Variants in C13orf46 observed in about 807,000 individuals in gnomAD.
C13orf46 encodes uncharacterized protein C13orf46.
chr13:113,945,569 GAAAGAA>G, the C13orf46 span, among the ~76,000 whole-genome samples: 472 of 96,008 alleles, frequency 4.9e-3, 10 homozygotes, highest in South Asian at 0.046. Flanking sequence ...AAGAAAGAAA[GAAAGAA>G]AGAGAGAGAG....
At chr13:113,945,575 A>AAGAAAG in the C13orf46 span, among the ~76,000 whole-genome samples, 1,996 of 88,492 alleles carry the variant, frequency 0.023, 71 homozygotes, top group Middle Eastern at 0.03. Context: ...GAAAGAAAGA[A>AAGAAAG]AGAGAGAGAG....
chr13:113,968,928 C>T (rs1194103060), intron 2 of C13orf46, among the ~76,000 whole-genome samples, 168 bp from the exon 3 acceptor site: 1 of 152,166 alleles, frequency 6.6e-6, no homozygotes, highest in Admixed American at 6.5e-5. Flanking sequence ...CTGAAGGGCC[C>T]CACAGCCTGG....
chr13:113,966,590 T>C (rs954383293), intron 5 of C13orf46, among the ~76,000 whole-genome samples: 2 of 150,378 alleles, frequency 1.3e-5, no homozygotes, highest in Non-Finnish European at 3.0e-5. Flanking sequence ...GTGGTGATGG[T>C]GATGATGATG....
chr13:113,927,375 C>T, the C13orf46 span: 3 of 394,568 alleles, frequency 7.6e-6, no homozygotes, highest in East Asian at 3.6e-5. Context: ...GCTGGGGCTG[C>T]TCTGGACGGC....
the C13orf46 span, chr13:113,926,894 T>A: frequency 6.6e-6 from 1 of 152,608 alleles, no homozygotes; most frequent in East Asian, 1.9e-4. Context: ...CCTGTCTTCT[T>A]AGCCACCTGC....
chr13:113,949,020 A>G (rs1183935614), downstream of C13orf46, among the ~76,000 whole-genome samples: 2 of 152,130 alleles, frequency 1.3e-5, no homozygotes, highest in Non-Finnish European at 2.9e-5. Flanking sequence ...ATTAGAGAGG[A>G]ACTTCCAGCC....
At chr13:113,969,323 C>T (rs1462818765) in intron 2 of C13orf46, among the ~76,000 whole-genome samples, 1 of 152,248 alleles carries the variant, frequency 6.6e-6, no homozygotes, top group African/African-American at 2.4e-5. Flanking sequence ...ACTGACTTGG[C>T]CAACGTGAGC....
the C13orf46 span, among the ~76,000 whole-genome samples, chr13:113,933,837 G>C: frequency 6.6e-6 from 1 of 152,176 alleles, no homozygotes; most frequent in Non-Finnish European, 1.5e-5. Context: ...ACTTTGCAGA[G>C]CTACAACAAA....
chr13:113,936,986 C>T, the C13orf46 span, among the ~76,000 whole-genome samples: 1 of 152,156 alleles, frequency 6.6e-6, no homozygotes, highest in African/African-American at 2.4e-5. Flanking sequence ...AGGCTCCTCT[C>T]GTCCTCGTAG....
intron 6 of C13orf46, among the ~76,000 whole-genome samples, chr13:113,962,527 A>G (rs1489719182): frequency 4.6e-5 from 7 of 152,222 alleles, no homozygotes; most frequent in African/African-American, 1.7e-4. Context: ...CTGGGCGGGA[A>G]CCTCCCGGTA....
the C13orf46 span, among the ~76,000 whole-genome samples, chr13:113,948,540 G>T: frequency 2.6e-5 from 4 of 152,314 alleles, no homozygotes; most frequent in East Asian, 7.7e-4. Context: ...TGCCAAACCA[G>T]CCTCTCACCA....
chr13:113,959,473 A>G (rs1193325228), intron 6 of C13orf46, among the ~76,000 whole-genome samples: 1 of 152,202 alleles, frequency 6.6e-6, no homozygotes, highest in South Asian at 2.1e-4. Flanking sequence ...TCCCAGTGGG[A>G]AATGAATCAT....
intron 1 of C13orf46, among the ~76,000 whole-genome samples, chr13:113,970,699 G>C: frequency 6.6e-6 from 1 of 152,176 alleles, no homozygotes. Context: ...GGCTTGTCCA[G>C]GAAAATCCAC....
At chr13:113,942,951 G>A in the C13orf46 span, among the ~76,000 whole-genome samples, 5 of 152,206 alleles carry the variant, frequency 3.3e-5, no homozygotes, top group South Asian at 2.1e-4. Context: ...GCAGATGGCC[G>A]GCGGCCATGG....
intron 1 of C13orf46, among the ~76,000 whole-genome samples, chr13:113,971,786 A>G (rs1193894232): frequency 6.6e-6 from 1 of 152,244 alleles, no homozygotes; most frequent in African/African-American, 2.4e-5. Flanking sequence ...GAGTCCCTGC[A>G]GAAACCAAGG....
the C13orf46 span, among the ~76,000 whole-genome samples, chr13:113,938,105 T>G: frequency 2.0e-5 from 3 of 152,218 alleles, no homozygotes; most frequent in African/African-American, 4.8e-5. Flanking sequence ...AGAATGATTT[T>G]CCTTTCACAA....
chr13:113,951,412 G>A (rs1381436824), downstream of C13orf46, among the ~76,000 whole-genome samples: 2 of 152,192 alleles, frequency 1.3e-5, no homozygotes, highest in Non-Finnish European at 2.9e-5. Context: ...CGTGGACTGC[G>A]TGTGGATGGA....
the C13orf46 span, among the ~76,000 whole-genome samples, chr13:113,937,377 G>A: frequency 1.2e-3 from 190 of 152,314 alleles, 1 homozygote; most frequent in African/African-American, 4.1e-3. Flanking sequence ...GAAGGCAGCC[G>A]TAAACCCGCA....
the C13orf46 span, among the ~76,000 whole-genome samples, chr13:113,929,378 C>A: frequency 3.1e-4 from 47 of 152,234 alleles, no homozygotes; most frequent in Admixed American, 6.5e-4. Context: ...ACCCACCTCC[C>A]GCTGCACATG....
Sources: gnomAD v4.1 joint callset for allele counts (sites outside exome capture counted in the v4.1 genomes callset) on GRCh38, gnomAD v4.1.1 for gene constraint, MANE v1.5 for transcripts, NCBI Gene and HGNC (gene_info 2026-07-23, HGNC 2026-07-21) for gene names.